CALN1: variants seen among roughly 807,000 people sequenced by gnomAD.
The protein encoded by CALN1 is calneuron 1.
In CALN1, 17 loss-of-function variants were observed where a neutral mutation model predicts 30.6. That is an observed-to-expected ratio of 0.56 (90% CI 0.38 to 0.83). The LOEUF (loss-of-function observed/expected upper bound fraction) is 0.83, where lower values mean the gene tolerates loss of function less well. Among genes scored for constraint, CALN1 ranks in the 40% least tolerant of loss-of-function variants. The pLI, the probability that CALN1 is intolerant of heterozygous loss-of-function variation, is 0.00. For synonymous variants in CALN1, 156 were observed against 131.4 expected (o/e 1.19, Z -1.28); for missense variants, 291 against 354.9 (o/e 0.82, Z 1.45).
chr7:72,153,994 C>G (rs1400074782), intron 3 of CALN1, among the ~76,000 whole-genome samples: 2 of 152,056 alleles, frequency 1.3e-5, no homozygotes, highest in Admixed American at 1.3e-4. Context: ...TGGACACTGG[C>G]CCAGAGTAAC....
At chr7:72,336,398 CG>C (rs1220963273) in intron 2 of CALN1, among the ~76,000 whole-genome samples, 3 of 152,088 alleles carry the variant, frequency 2.0e-5, no homozygotes, top group African/African-American at 7.2e-5. Flanking sequence ...GCCTCCAGCC[CG>C]CACGGTGCCG....
In CALN1 at chr7:72,236,969, C is replaced by CT. The variant is rs536628117; in HGVS notation, c.244+41716dup. Among the ~76,000 whole-genome samples, 1,091 of 148,604 alleles carry CT rather than the reference C, an allele frequency of 7.3e-3. 11 individuals carry two copies. The highest frequency in any genetic ancestry group is 0.017 in the Admixed American group (248 of 14,862). Reference sequence around the variant, plus strand: ...AGGTGAAGTCTGACCTAGTTGGGAACTTTTTTTTTTCTATTTTTATTTTTT... The same window carrying CT: ...AGGTGAAGTCTGACCTAGTTGGGAACTTTTTTTTTTTCTATTTTTATTTTTT... On this transcript the variant is annotated intron_variant, in intron 3 of 6. Transcript: ENST00000395275.
intron 2 of CALN1, among the ~76,000 whole-genome samples, chr7:72,302,116 T>A (rs1799308745): frequency 6.6e-6 from 1 of 151,708 alleles, no homozygotes; most frequent in South Asian, 2.1e-4. Context: ...ATTCAAATTG[T>A]ATACACAGTG....
chr7:71,795,096 C>T (rs980296110), intron 6 of CALN1, among the ~76,000 whole-genome samples: 39 of 152,188 alleles, frequency 2.6e-4, no homozygotes, highest in Admixed American at 1.8e-3. Context: ...GATATTGGCT[C>T]GCTGCAACCT....
intron 4 of CALN1, among the ~76,000 whole-genome samples, chr7:72,082,239 C>T (rs1168099865): frequency 6.6e-6 from 1 of 152,160 alleles, no homozygotes; most frequent in Non-Finnish European, 1.5e-5. Context: ...GCCCACCTCA[C>T]CCTCCCAAAG....
chr7:72,285,172 A>C (rs1404059258), intron 2 of CALN1, among the ~76,000 whole-genome samples: 1 of 152,152 alleles, frequency 6.6e-6, no homozygotes, highest in Non-Finnish European at 1.5e-5. Context: ...TAAGCACTTG[A>C]CCAGTGGACT....
At chr7:71,871,053 G>C (rs1258794588) in intron 5 of CALN1, among the ~76,000 whole-genome samples, 1 of 151,562 alleles carries the variant, frequency 6.6e-6, no homozygotes, top group Non-Finnish European at 1.5e-5. Flanking sequence ...GCAAAAAAAA[G>C]AAAAAAGAAA....
rs1798205297 is a variant in CALN1 at position 71,978,274 on chromosome 7, T to TTTTC, written c.501+45382_501+45383insGAAA. 2.9e-5 allele frequency among the ~76,000 whole-genome samples: 4 copies of TTTTC among 137,076 alleles called. 1 individual carries two copies. The highest frequency in any genetic ancestry group is 2.9e-4 in the Admixed American group (4 of 13,842). The allele number at this position is 137,076 out of a possible 152,430, so 89.9% of individuals were successfully genotyped here. On this transcript the variant is annotated intron_variant, in intron 5 of 6. Coordinates refer to ENST00000395275, the MANE Select transcript of CALN1 (RefSeq NM_031468.4). ...ACTCTAGAGAATTCTTTTTTTTTTT[T>TTTTC]TTTTTTTTTTTTTTTGAGGGGGAGT...
At chr7:72,135,148 C>G (rs1292627517) in intron 3 of CALN1, among the ~76,000 whole-genome samples, 1 of 152,234 alleles carries the variant, frequency 6.6e-6, no homozygotes, top group East Asian at 1.9e-4. Flanking sequence ...ACTTCCTCCA[C>G]TGAAGTCTTG....
chr7:72,029,850 C>T (rs1289983565), intron 4 of CALN1, among the ~76,000 whole-genome samples: 1 of 152,180 alleles, frequency 6.6e-6, no homozygotes. Flanking sequence ...AAAGTGCTTT[C>T]CTGAGTTATG....
intron 5 of CALN1, among the ~76,000 whole-genome samples, chr7:71,894,373 T>C (rs1793422620): frequency 6.6e-6 from 1 of 152,164 alleles, no homozygotes; most frequent in Non-Finnish European, 1.5e-5. Context: ...CCAACCAGGC[T>C]GTCACCTCAG....
rs369954506 is a variant in CALN1 at position 71,799,933 on chromosome 7, T to A, written c.658+10403A>T. Among the ~76,000 whole-genome samples the A allele has an allele frequency of 4.6e-5, 7 of 152,288 alleles. No homozygotes were observed. In the East Asian group the frequency reaches 1.2e-3, roughly 25 times the overall value. On this transcript the variant is annotated intron_variant, in intron 6 of 6. Coordinates refer to ENST00000395275, the MANE Select transcript of CALN1 (RefSeq NM_031468.4). ...GGCTACTGACCTCAGCTCCTTAACCTCCTATGTCTACCCAAGGAGAAAGGT... is the reference window on the plus strand; with the variant it reads ...GGCTACTGACCTCAGCTCCTTAACCACCTATGTCTACCCAAGGAGAAAGGT...
intron 3 of CALN1, among the ~76,000 whole-genome samples, chr7:72,266,202 C>A (rs1412280700): frequency 1.3e-5 from 2 of 151,834 alleles, no homozygotes; most frequent in Non-Finnish European, 2.9e-5. Flanking sequence ...CTAGTATGAG[C>A]ACCTCTTTCC....
chr7:72,193,593 G>C (rs914945419), intron 3 of CALN1, among the ~76,000 whole-genome samples: 6 of 152,198 alleles, frequency 3.9e-5, no homozygotes, highest in South Asian at 4.1e-4. Flanking sequence ...ATGTGGGCTA[G>C]ACGGTATATG....
intron 3 of CALN1, among the ~76,000 whole-genome samples, chr7:72,239,431 G>C (rs1794695193): frequency 1.3e-5 from 2 of 151,766 alleles, no homozygotes; most frequent in South Asian, 4.2e-4. Context: ...ATAAACCAAA[G>C]ATTCTGTGAC....
At chr7:72,255,817 G>A (rs901093994) in intron 3 of CALN1, among the ~76,000 whole-genome samples, 7 of 150,808 alleles carry the variant, frequency 4.6e-5, no homozygotes, top group South Asian at 2.1e-4. Flanking sequence ...TGCAACCTCC[G>A]TCTCCCGGGT....
chr7:72,084,385 A>AT (rs1805345922), intron 4 of CALN1, among the ~76,000 whole-genome samples: 2 of 124,734 alleles, frequency 1.6e-5, no homozygotes, highest in Non-Finnish European at 1.6e-5. Context: ...AATGTAGTAA[A>AT]ATTTTTTTTT....
intron 3 of CALN1, among the ~76,000 whole-genome samples, chr7:72,117,165 A>C (rs1018609473): frequency 6.6e-6 from 1 of 152,106 alleles, no homozygotes. Context: ...ATTAAAAACC[A>C]AATTAACCAG....
intron 5 of CALN1, among the ~76,000 whole-genome samples, chr7:71,822,920 T>C (rs537824121): frequency 2.4e-4 from 36 of 152,350 alleles, no homozygotes; most frequent in Middle Eastern, 3.4e-3. Flanking sequence ...GTGATTCCAA[T>C]GCTTACTTCC....
Sources: gnomAD v4.1 joint callset for allele counts (sites outside exome capture counted in the v4.1 genomes callset) on GRCh38, gnomAD v4.1.1 for gene constraint, MANE v1.5 for transcripts, NCBI Gene and HGNC (gene_info 2026-07-23, HGNC 2026-07-21) for gene names.